SOX6: variants seen among roughly 807,000 people sequenced by gnomAD.
The protein encoded by SOX6 is transcription factor SOX-6.
Under a neutral mutation model 97.8 loss-of-function variants are expected in SOX6, and 11 were observed. That is an observed-to-expected ratio of 0.11 (90% CI 0.07 to 0.19). SOX6 has a LOEUF of 0.19. Ranked by LOEUF, SOX6 falls within the 10% of genes least tolerant of loss-of-function variation. The probability of loss-of-function intolerance (pLI) is 1.00; values close to 1 mark genes in which losing one functional copy is unlikely to be tolerated. For missense variants in SOX6, 810 were observed against 1,039.5 expected (o/e 0.78, Z 3.04); for synonymous variants, 360 against 371.4 (o/e 0.97, Z 0.35).
chr11:16,475,710 A>G (rs1860231747), intron 1 of SOX6, among the ~76,000 whole-genome samples: 2 of 152,238 alleles, frequency 1.3e-5, no homozygotes, highest in African/African-American at 2.4e-5. Flanking sequence ...AATGTAACAG[A>G]GAGACATGAA....
intron 4 of SOX6, among the ~76,000 whole-genome samples, chr11:16,215,933 G>T (rs895499333): frequency 6.6e-6 from 1 of 152,182 alleles, no homozygotes; most frequent in South Asian, 2.1e-4. Context: ...GAGGAAATGT[G>T]TTCCAATAAT....
At chr11:16,245,728 T>C (rs1342959409) in intron 3 of SOX6, among the ~76,000 whole-genome samples, 1 of 151,672 alleles carries the variant, frequency 6.6e-6, no homozygotes, top group South Asian at 2.1e-4. Flanking sequence ...TCCTGGAGTC[T>C]ACTTTTATAT....
chr11:16,052,350 C>A (rs984895832), intron 10 of SOX6, among the ~76,000 whole-genome samples: 19 of 151,974 alleles, frequency 1.3e-4, no homozygotes, highest in African/African-American at 4.6e-4. Context: ...GTCACAGACC[C>A]CCACTATTCT....
At chr11:16,431,339 A>G (rs1859268315) in intron 1 of SOX6, among the ~76,000 whole-genome samples, 1 of 152,114 alleles carries the variant, frequency 6.6e-6, no homozygotes, top group African/African-American at 2.4e-5. Context: ...TTTGTTCACT[A>G]TCTCCCCATT....
intron 2 of SOX6, among the ~76,000 whole-genome samples, chr11:16,731,543 CA>C (rs2134060283): frequency 6.6e-6 from 1 of 152,284 alleles, no homozygotes; most frequent in South Asian, 2.1e-4. Flanking sequence ...TAAAATTCAA[CA>C]CCCTTTCATA....
intron 3 of SOX6, among the ~76,000 whole-genome samples, chr11:16,640,696 G>A (rs1009613712): frequency 8.5e-5 from 13 of 152,068 alleles, no homozygotes; most frequent in East Asian, 3.8e-4. Flanking sequence ...GTTAATTTGC[G>A]TAGAGGTGTT....
At chr11:16,433,260 CT>C (rs200550672) in intron 1 of SOX6, among the ~76,000 whole-genome samples, 1,848 of 152,136 alleles carry the variant, frequency 0.012, 45 homozygotes, top group African/African-American at 0.042. Flanking sequence ...CCATTCTCTT[CT>C]CCCTTTTGAA....
chr11:16,341,031 A>C lies in SOX6; in HGVS notation c.218T>G (p.Leu73Arg). The C allele has an allele frequency of 6.2e-7, 1 of 1,613,432 alleles. No homozygotes were observed. The highest frequency in any genetic ancestry group is 2.2e-5 in the East Asian group (1 of 44,844). Residue 73 changes from leucine (L) to arginine (R), a missense_variant, in exon 2 of 16, where the codon CTG becomes CGG. Around this residue, in one of 9 missense-constraint regions of SOX6, gnomAD observed 100 missense variants for 94.6 expected, o/e 1.06. Coordinates refer to ENST00000683767, the MANE Select transcript of SOX6 (RefSeq NM_001367873.1). ...IQQDADWDSV[L>R]SSQQRMESEN... ...GCTCACCATTCTTTGCTGAGATGAC[A>C]GAACGCTGTCCCAGTCAGCATCTTG... is the stretch of plus-strand genomic sequence containing the variant.
At chr11:16,189,728 A>C (rs1189390283) in intron 4 of SOX6, among the ~76,000 whole-genome samples, 1 of 152,176 alleles carries the variant, frequency 6.6e-6, no homozygotes, top group Non-Finnish European at 1.5e-5. Flanking sequence ...ATGTATACGT[A>C]TTTTATTATT....
chr11:16,140,831 T>C (rs1424865736), intron 6 of SOX6, among the ~76,000 whole-genome samples: 1 of 152,136 alleles, frequency 6.6e-6, no homozygotes. Flanking sequence ...AAAGTGGAAA[T>C]AATATAACAA....
chr11:16,402,592 C>T, intron 1 of SOX6: 1 of 1,482,400 alleles, frequency 6.7e-7, no homozygotes, highest in Non-Finnish European at 9.4e-7. Context: ...AGAAATATCG[C>T]TTTGTTTAAT....
chr11:16,527,386 A>C (rs1037993725), intron 4 of SOX6, among the ~76,000 whole-genome samples: 1 of 152,068 alleles, frequency 6.6e-6, no homozygotes, highest in Non-Finnish European at 1.5e-5. Context: ...AAGTTAATCT[A>C]ATTTACCTCT....
Position 16,637,913 on chromosome 11 carries a change from CT to C in SOX6, n.430-25654del, listed in dbSNP as rs879508621. Among the ~76,000 whole-genome samples the C allele has an allele frequency of 5.9e-3, 809 of 137,206 alleles. 3 individuals are homozygous for C. Among genetic ancestry groups the C allele is most frequent in the Middle Eastern group, 0.011 (3 of 268 alleles). The allele number at this position is 137,206 out of a possible 152,430, so 90.0% of individuals were successfully genotyped here. Reference sequence around the variant, plus strand: ...ATTTTTTTGGACATAGGGTCTCATTCTTTTTTTTTTTTTTTATACTTTAAGT... The same window carrying C: ...ATTTTTTTGGACATAGGGTCTCATTCTTTTTTTTTTTTTTATACTTTAAGT... On this transcript the variant is annotated intron_variant and non_coding_transcript_variant, in intron 3 of 5. Coordinates refer to the SOX6 transcript ENST00000524520.
intron 2 of SOX6, among the ~76,000 whole-genome samples, chr11:16,715,563 C>T (rs1045751427): frequency 6.7e-6 from 1 of 150,344 alleles, no homozygotes; most frequent in Non-Finnish European, 1.5e-5. Flanking sequence ...AAAACTTAAA[C>T]TTTTAATGAG....
chr11:16,250,020 C>A (rs1853460293), intron 3 of SOX6, among the ~76,000 whole-genome samples: 1 of 152,108 alleles, frequency 6.6e-6, no homozygotes, highest in African/African-American at 2.4e-5. Flanking sequence ...AATATTTTGG[C>A]TTTCATTTAG....
At chr11:16,688,893 T>G (rs1847989717) in intron 3 of SOX6, among the ~76,000 whole-genome samples, 1 of 152,228 alleles carries the variant, frequency 6.6e-6, no homozygotes, top group South Asian at 2.1e-4. Flanking sequence ...AAGAAAAAGT[T>G]AAGTTACTTG....
chr11:16,506,662 C>T (rs944523348), intron 4 of SOX6, among the ~76,000 whole-genome samples: 3 of 152,218 alleles, frequency 2.0e-5, no homozygotes, highest in Admixed American at 6.5e-5. Flanking sequence ...TCGAATTGTA[C>T]TCCCCAGTGT....
chr11:16,682,387 C>T (rs954397030), intron 3 of SOX6, among the ~76,000 whole-genome samples: 13 of 152,168 alleles, frequency 8.5e-5, no homozygotes, highest in Non-Finnish European at 1.8e-4. Flanking sequence ...AGTTTCTCCA[C>T]CACGATCAAG....
intron 4 of SOX6, among the ~76,000 whole-genome samples, chr11:16,486,390 T>A (rs1313746571): frequency 6.6e-6 from 1 of 152,224 alleles, no homozygotes. Flanking sequence ...CCTATTATTG[T>A]CTTTTTTAAG....
Sources: gnomAD v4.1 joint callset for allele counts (sites outside exome capture counted in the v4.1 genomes callset) on GRCh38, gnomAD v4.1.1 for gene constraint, gnomAD v4.1.1 regional missense constraint, MANE v1.5 for transcripts, NCBI Gene and HGNC (gene_info 2026-07-23, HGNC 2026-07-21) for gene names.